HYDIN: variants seen among roughly 807,000 people sequenced by gnomAD.
HYDIN encodes the protein HYDIN axonemal central pair apparatus protein.
In HYDIN, 132 loss-of-function variants were observed where a neutral mutation model predicts 403.9. The ratio of observed to expected loss-of-function variants is 0.33; its 90% CI spans 0.28 to 0.38. The LOEUF (loss-of-function observed/expected upper bound fraction) is 0.38. Among genes scored for constraint, HYDIN ranks in the 10% least tolerant of loss-of-function variants. The probability of loss-of-function intolerance (pLI) is 1.00; values close to 1 mark genes in which losing one functional copy is unlikely to be tolerated. For synonymous variants in HYDIN, 1,202 were observed against 1,891.7 expected, an observed-to-expected ratio of 0.64 and a Z score of 9.46; for missense variants, 2,827 against 5,009.5, an observed-to-expected ratio of 0.56 and a Z score of 13.15.
In HYDIN at chr16:71,195,959, A is replaced by G. The variant is rs1007817988; in HGVS notation, c.-23-9041T>C. ...AGGTCAGACACAGGCAAAGAAAAAAATCAAATAGCCAACTAAGGACCATGT... is the reference window on the plus strand; with the variant it reads ...AGGTCAGACACAGGCAAAGAAAAAAGTCAAATAGCCAACTAAGGACCATGT... On this transcript the variant is annotated intron_variant, in intron 1 of 85. Coordinates refer to ENST00000393567, the MANE Select transcript of HYDIN (RefSeq NM_001270974.2). Among the ~76,000 whole-genome samples the G allele has an allele frequency of 2.0e-5, 3 of 152,346 alleles. No homozygotes were observed. The East Asian group carries it at 5.8e-4, about 29-fold the overall frequency.
chr16:70,956,620 G>C (rs2078246497), intron 39 of HYDIN, among the ~76,000 whole-genome samples: 1 of 152,124 alleles, frequency 6.6e-6, no homozygotes, highest in Non-Finnish European at 1.5e-5. Context: ...TAGCAGGAGA[G>C]ACTGGGAGAT....
chr16:70,966,874 T>C (rs2078593199), intron 36 of HYDIN, among the ~76,000 whole-genome samples: 1 of 151,068 alleles, frequency 6.6e-6, no homozygotes, highest in African/African-American at 2.4e-5. Flanking sequence ...TATGTCTTAG[T>C]GTAAAACTAA....
At chr16:71,007,708 T>C (rs1597525043) in intron 23 of HYDIN, among the ~76,000 whole-genome samples, 1 of 135,880 alleles carries the variant, frequency 7.4e-6, no homozygotes, top group East Asian at 2.1e-4. Context: ...GGTGGGAATA[T>C]AAATTACTTC....
chr16:71,209,193 A>C (rs1354304460), intron 1 of HYDIN, among the ~76,000 whole-genome samples: 1 of 149,648 alleles, frequency 6.7e-6, no homozygotes, highest in Non-Finnish European at 1.5e-5. Flanking sequence ...AAACTAATCC[A>C]CCACCATCTA....
At chr16:71,009,501 C>G (rs2080004559) in intron 23 of HYDIN, among the ~76,000 whole-genome samples, 1 of 151,482 alleles carries the variant, frequency 6.6e-6, no homozygotes, top group Admixed American at 6.6e-5. Flanking sequence ...AGCACAAGAA[C>G]TCAATGCCAG....
In HYDIN at chr16:70,920,737, C is replaced by T. The variant is rs757454825; in HGVS notation, c.7639G>A (p.Asp2547Asn). Residue 2547 changes from aspartate (D) to asparagine (N), a missense_variant, in exon 46 of 86, where the codon GAC (aspartate) becomes AAC (asparagine). Asp to Asn is a conservative substitution (Grantham distance 23, BLOSUM62 1). Coordinates refer to ENST00000393567, the MANE Select transcript of HYDIN (RefSeq NM_001270974.2). The stretch of plus-strand genomic sequence containing the variant: ...TCCTCCTCCCCTTCCCCCTCCCAGT[C>T]GCTCCGCTCCTCCAGGGCTCGCAGC... ...EKLRALEERS[D>N]WEGEGEEDHE... 5.1e-6 allele frequency: 8 copies of T among 1,577,310 alleles called. No individual in the cohort carries two copies. Among genetic ancestry groups the T allele is most frequent in the South Asian group, 4.6e-5 (4 of 86,686 alleles).
rs868341969 is a variant in HYDIN at position 70,988,878 on chromosome 16, T to G, written c.3865-366A>C. Among the ~76,000 whole-genome samples the G allele has an allele frequency of 1.2e-4, 18 of 149,128 alleles. No individual in the cohort carries two copies. The South Asian group carries it at 3.0e-3, about 25-fold the overall frequency. ...TACATATGCCTCATGTGTCTGAAGG[T>G]GTGTGTGTGTAAATTCCTTCAGAGA... On this transcript the variant is annotated intron_variant, in intron 25 of 85. Coordinates refer to ENST00000393567, the MANE Select transcript of HYDIN (RefSeq NM_001270974.2).
intron 13 of HYDIN, among the ~76,000 whole-genome samples, chr16:71,070,984 G>T (rs1447903342): frequency 6.6e-6 from 1 of 152,168 alleles, no homozygotes; most frequent in East Asian, 1.9e-4. Context: ...TGCACTTGAA[G>T]GGTTATTCTT....
At position 71,166,916 on chromosome 16, in the gene HYDIN, A is replaced by T. The variant is rs373253116; in HGVS notation, c.517-4186T>A. On this transcript the variant is annotated intron_variant, in intron 5 of 85. Coordinates refer to ENST00000393567, the MANE Select transcript of HYDIN (RefSeq NM_001270974.2). ...ATGGCAAAACCCAGCCTCTATAAAA[A>T]TTAGCTGGGCATGGTGGCTCACACC... 2.0e-3 allele frequency among the ~76,000 whole-genome samples: 297 copies of T among 152,054 alleles called. 1 individual carries two copies. The highest frequency in any genetic ancestry group is 6.7e-3 in the African/African-American group (280 of 41,504).
Position 70,803,716 on chromosome 16 carries a change from G to T in HYDIN, c.*3864C>A, listed in dbSNP as rs77069808. Among the ~76,000 whole-genome samples, 4,203 of 152,306 alleles carry T rather than the reference G, an allele frequency of 0.028. 85 individuals carry two copies. Among genetic ancestry groups the T allele is most frequent in the Non-Finnish European group, 0.041 (2,788 of 68,016 alleles). On this transcript the variant is annotated 3_prime_UTR_variant, in exon 86 of 86. Coordinates refer to ENST00000393567, the MANE Select transcript of HYDIN (RefSeq NM_001270974.2). Reference sequence around the variant, plus strand: ...AATGTAATTGTAGCTGGAGTTTCAGGGCAACAGGGTTTAAGGTATTAGGTA... The same window carrying T: ...AATGTAATTGTAGCTGGAGTTTCAGTGCAACAGGGTTTAAGGTATTAGGTA...
chr16:71,132,847 T>C (rs1277788374), intron 8 of HYDIN: 2 of 150,418 alleles, frequency 1.3e-5, no homozygotes, highest in African/African-American at 2.5e-5. Context: ...CACAACTTCA[T>C]GTGGCCTGGC....
At chr16:70,822,327 G>T (rs958260183) in intron 83 of HYDIN, among the ~76,000 whole-genome samples, 8 of 152,116 alleles carry the variant, frequency 5.3e-5, no homozygotes, top group African/African-American at 1.4e-4. Context: ...TAGAATTAGA[G>T]GTGGAGCTTG....
Position 70,978,915 on chromosome 16 carries a change from T to C in HYDIN, c.4637A>G (p.Glu1546Gly). The change falls in exon 30 of 86, where the codon GAG becomes GGG. Residue 1546 changes from glutamate (E) to glycine (G), a missense_variant and splice_region_variant. Transcript: ENST00000393567. The part of the protein sequence containing the change: ...TEEVPEDEPA[E>G]VSAHLQMEVE... ...CCGTGCAGGCTGGAGCTGTCTTACC[T>C]CAGCAGGCTCGTCTTCTGGCACTTC... The C allele has an allele frequency of 6.2e-7, 1 of 1,613,268 alleles. No homozygotes were observed. The highest frequency in any genetic ancestry group is 8.5e-7 in the Non-Finnish European group (1 of 1,179,972).
intron 1 of HYDIN, among the ~76,000 whole-genome samples, chr16:71,187,144 A>T (rs547963719): frequency 6.6e-6 from 1 of 152,274 alleles, no homozygotes; most frequent in South Asian, 2.1e-4. Context: ...GGGATTCTAG[A>T]CTAAGCTCAG....
intron 62 of HYDIN, among the ~76,000 whole-genome samples, chr16:70,878,564 C>A (rs1449548625): frequency 1.3e-5 from 2 of 148,276 alleles, no homozygotes; most frequent in Non-Finnish European, 2.9e-5. Context: ...TGTATCCTTT[C>A]ATTTTTATCT....
intron 18 of HYDIN, among the ~76,000 whole-genome samples, chr16:71,038,567 G>A (rs2081175740): frequency 6.6e-6 from 1 of 151,180 alleles, no homozygotes; most frequent in African/African-American, 2.4e-5. Flanking sequence ...TGTGCAGAGT[G>A]AGGGATTTCT....
At chr16:71,120,519 AGAT>A (rs1298756454) in intron 9 of HYDIN, among the ~76,000 whole-genome samples, 7 of 145,752 alleles carry the variant, frequency 4.8e-5, no homozygotes, top group Non-Finnish European at 7.5e-5. Flanking sequence ...GGTTTGTGAT[AGAT>A]GATAAATATG....
intron 10 of HYDIN, among the ~76,000 whole-genome samples, chr16:71,098,392 C>T (rs1031543031): frequency 6.6e-6 from 1 of 151,540 alleles, no homozygotes; most frequent in African/African-American, 2.4e-5. Flanking sequence ...TTAGTAGAAA[C>T]GGGGCTTCAC....
rs1295903094 is a variant in HYDIN, at chr16:70,808,033, T to C, written c.14913A>G (p.Lys4971=). The C allele has an allele frequency of 2.5e-6, 4 of 1,612,002 alleles. No individual in the cohort carries two copies. Among genetic ancestry groups the C allele is most frequent in the Admixed American group, 3.3e-5 (2 of 59,822 alleles). The change falls in exon 86 of 86, where the codon AAA becomes AAG. Residue 4971 remains lysine, a synonymous_variant. Transcript: ENST00000393567. ...GGCCTCCTGGGGCTGCATTAATGAG[T>C]TTTTCTGCGTGGAAGTCTGTACAGT... The part of the protein sequence containing the change: ...RTDCTDFHAE[K]LINAAPGGQG...
Sources: allele counts gnomAD v4.1 joint callset (sites outside exome capture counted in the v4.1 genomes callset), GRCh38; gene constraint gnomAD v4.1.1; transcripts MANE v1.5; gene names NCBI Gene and HGNC (gene_info 2026-07-23, HGNC 2026-07-21).